The following ADIPOQ variants were observed in gnomAD, a reference collection of about 807,000 sequenced individuals.
ADIPOQ encodes adiponectin.
A neutral mutation model predicts 16.1 loss-of-function variants in ADIPOQ; 19 were observed. The observed-to-expected ratio is 1.18, with a 90% CI of 0.82 to 1.73. ADIPOQ has a LOEUF of 1.73. Ranked by LOEUF, ADIPOQ falls within the 40% of genes most tolerant of loss-of-function variation. The pLI is 0.00. For synonymous variants in ADIPOQ, 124 were observed against 125.5 expected (o/e 0.99, Z 0.08); for missense variants, 323 against 308.3 (o/e 1.05, Z -0.36).
intron 1 of ADIPOQ, chr3:186,852,613 G>A (rs1041087344): frequency 4.3e-5 from 8 of 187,556 alleles, no homozygotes; most frequent in Non-Finnish European, 6.7e-5. Flanking sequence ...GAGAGAGAAG[G>A]GGGGAAAGAA....
At chr3:186,848,263 AAGGAAG>A (rs1711636606) in intron 1 of ADIPOQ, among the ~76,000 whole-genome samples, 1 of 126,598 alleles carries the variant, frequency 7.9e-6, no homozygotes, top group Non-Finnish European at 1.7e-5. Flanking sequence ...GGAAGGAAGG[AAGGAAG>A]GAAAGAAGGA....
intron 1 of ADIPOQ, among the ~76,000 whole-genome samples, chr3:186,850,626 A>C (rs892864229): frequency 6.6e-6 from 1 of 152,162 alleles, no homozygotes; most frequent in Admixed American, 6.5e-5. Flanking sequence ...ATAAAATAAT[A>C]TTTTAAAATG....
In ADIPOQ at chr3:186,850,271, C is replaced by CAAAAAAAAAAAAA. The variant is rs71634014; in HGVS notation, c.-8-2772_-8-2760dup. On this transcript the variant is annotated intron_variant, in intron 1 of 2. Transcript: ENST00000320741. ...GGTGACAGTGTGAAATCCTCTCTCT[C>CAAAAAAAAAAAAA]AAAAAAAAAAAAAAAAAAAAGCAAA... Among the ~76,000 whole-genome samples, 3 of 88,742 alleles carry CAAAAAAAAAAAAA rather than the reference C, an allele frequency of 3.4e-5. 1 individual carries two copies. Among genetic ancestry groups the CAAAAAAAAAAAAA allele is most frequent in the Admixed American group, 1.3e-4 (1 of 7,714 alleles). The allele number at this position is 88,742 out of a possible 152,430, so 58.2% of individuals were successfully genotyped here. A position where few individuals can be genotyped will look rare whatever the true frequency, so the allele number is the denominator to read the frequency against.
In ADIPOQ at chr3:186,853,206, A is replaced by G. The variant is rs779903568; in HGVS notation, c.148A>G (p.Asn50Asp). 1 of 1,614,004 alleles carries G rather than the reference A, an allele frequency of 6.2e-7. No homozygotes were observed. The highest frequency in any genetic ancestry group is 8.5e-7 in the Non-Finnish European group (1 of 1,179,954). Residue 50 changes from asparagine to aspartate, a missense_variant, in exon 2 of 3, where the codon AAT (asparagine) becomes GAT (aspartate). By Grantham distance (23) the Asn-to-Asp change is conservative (BLOSUM62 1). Coordinates refer to ENST00000320741, the MANE Select transcript of ADIPOQ (RefSeq NM_004797.4). ...MAGIPGHPGH[N>D]GAPGRDGRDG... ...GGGCATCCCAGGGCATCCGGGCCAT[A>G]ATGGGGCCCCAGGCCGTGATGGCAG...
intron 1 of ADIPOQ, among the ~76,000 whole-genome samples, chr3:186,848,656 T>A (rs1711651435): frequency 6.6e-6 from 1 of 152,190 alleles, no homozygotes; most frequent in Admixed American, 6.5e-5. Context: ...TTTTACCTAA[T>A]CTTCCCAAAG....
Position 186,854,228 on chromosome 3 carries a change from G to T in ADIPOQ, c.259G>T (p.Gly87Trp). The T allele has an allele frequency of 6.2e-7, 1 of 1,613,558 alleles. No individual in the cohort carries two copies. Reference sequence around the variant, plus strand: ...AGACATCGGTGAAACCGGAGTACCCGGGGCTGAAGGTCCCCGAGGCTTTCC... The same window carrying T: ...AGACATCGGTGAAACCGGAGTACCCTGGGCTGAAGGTCCCCGAGGCTTTCC... ...KGDIGETGVP[G>W]AEGPRGFPGI... Residue 87 changes from glycine (G) to tryptophan (W), a missense_variant, in exon 3 of 3, where the codon GGG (glycine) becomes TGG (tryptophan). Coordinates refer to ENST00000320741, the MANE Select transcript of ADIPOQ (RefSeq NM_004797.4).
intron 1 of ADIPOQ, among the ~76,000 whole-genome samples, chr3:186,848,969 G>A (rs771002890): frequency 3.9e-5 from 6 of 152,100 alleles, no homozygotes; most frequent in African/African-American, 1.4e-4. Flanking sequence ...CCTCTACCCC[G>A]TGCCACTGTC....
intron 1 of ADIPOQ, among the ~76,000 whole-genome samples, chr3:186,848,106 G>A (rs547908716): frequency 1.5e-4 from 23 of 151,866 alleles, no homozygotes; most frequent in African/African-American, 5.6e-4. Context: ...CCAGGAGGCG[G>A]AGGTTGCAGT....
chr3:186,845,107 TGG>T (rs35378606), intron 1 of ADIPOQ, among the ~76,000 whole-genome samples: 1 of 149,792 alleles, frequency 6.7e-6, no homozygotes, highest in Admixed American at 6.7e-5. Flanking sequence ...TGTGTATGTG[TGG>T]GGGGGGGTGG....
chr3:186,852,943 T>C, intron 1 of ADIPOQ, 108 bp from the exon 2 acceptor site: 1 of 1,142,772 alleles, frequency 8.8e-7, no homozygotes, highest in East Asian at 2.4e-5. Context: ...AGAAAGCAGC[T>C]CCTAGAAGTA....
At chr3:186,852,122 G>A (rs965981369) in intron 1 of ADIPOQ, 2 of 152,346 alleles carry the variant, frequency 1.3e-5, no homozygotes, top group Non-Finnish European at 2.9e-5. Flanking sequence ...AGAACAGCAA[G>A]GGATAAGTCT....
At chr3:186,842,802 T>A (rs1020561183) in intron 1 of ADIPOQ, 53 bp downstream of exon 1, 1 of 152,554 alleles carries the variant, frequency 6.6e-6, no homozygotes, top group Non-Finnish European at 1.5e-5. Flanking sequence ...ATGCATAGCC[T>A]CTGGCTGGGA....
rs1381745203 is a variant in ADIPOQ, at chr3:186,857,779, G to A, written c.*3075G>A. 1.3e-5 allele frequency: 2 copies of A among 152,062 alleles called. No homozygotes were observed. The highest frequency in any genetic ancestry group is 2.9e-5 in the Non-Finnish European group (2 of 68,014). The allele number at this position is 152,062 out of a possible 1,614,324, so 9.4% of individuals were successfully genotyped here. ...TAGATATATACATGTTTAGTATTAT[G>A]TCTTATTGGTGCATTTACTCTCTTA... On this transcript the variant is annotated 3_prime_UTR_variant, in exon 3 of 3. Coordinates refer to ENST00000320741, the MANE Select transcript of ADIPOQ (RefSeq NM_004797.4).
chr3:186,854,133 C>T, intron 2 of ADIPOQ, 51 bp from the exon 3 acceptor site: 3 of 1,588,148 alleles, frequency 1.9e-6, no homozygotes, highest in Non-Finnish European at 2.6e-6. Context: ...TGTAACCAAC[C>T]TAGGCAGGAG....
At chr3:186,850,036 A>ATG (rs1711694779) in intron 1 of ADIPOQ, among the ~76,000 whole-genome samples, 3 of 152,190 alleles carry the variant, frequency 2.0e-5, no homozygotes, top group Non-Finnish European at 2.9e-5. Context: ...TGGGAGCCCA[A>ATG]GGCGGGCGGA....
chr3:186,852,996 GGT>G (rs1711834619), intron 1 of ADIPOQ, 53 bp from the exon 2 acceptor site: 28 of 1,571,888 alleles, frequency 1.8e-5, no homozygotes, highest in South Asian at 2.2e-5. Flanking sequence ...GTCCCAACTG[GGT>G]GTGTGTGTGG....
Position 186,854,984 on chromosome 3 carries a change from CA to C in ADIPOQ, c.*282del, listed in dbSNP as rs1711942436. The C allele has an allele frequency of 2.1e-6, 1 of 476,932 alleles. No individual in the cohort carries two copies. 29.5% of individuals were successfully genotyped at this position (476,932 alleles called of 1,614,324 possible). On this transcript the variant is annotated 3_prime_UTR_variant, in exon 3 of 3. Coordinates refer to ENST00000320741, the MANE Select transcript of ADIPOQ (RefSeq NM_004797.4). ...CCACTGTCTCTCCTGATGCTCATAT[CA>C]ATCCTATAAGGCACAGGGAACAAGC...
At position 186,858,022 on chromosome 3, in the gene ADIPOQ, C is replaced by T. The variant is rs1260111192; in HGVS notation, c.*3318C>T. 2.6e-5 allele frequency: 4 copies of T among 151,386 alleles called. No individual in the cohort carries two copies. The highest frequency in any genetic ancestry group is 2.6e-4 in the Admixed American group (4 of 15,160). 9.4% of individuals were successfully genotyped at this position (151,386 alleles called of 1,614,324 possible). A position where few individuals can be genotyped will look rare whatever the true frequency, so the allele number is the denominator to read the frequency against. ...TTTGACAGACTCTCGTTCTGTGGCC[C>T]TGGCTGGAGTTCAGTGGTGTGATCT... On this transcript the variant is annotated 3_prime_UTR_variant, in exon 3 of 3. Transcript: ENST00000320741.
chr3:186,849,758 C>T (rs1199337553), intron 1 of ADIPOQ, among the ~76,000 whole-genome samples: 1 of 152,062 alleles, frequency 6.6e-6, no homozygotes, highest in Admixed American at 6.6e-5. Context: ...TGCATCAGAT[C>T]TATAGTGAGA....
Sources: allele counts gnomAD v4.1 joint callset (sites outside exome capture counted in the v4.1 genomes callset), GRCh38; gene constraint gnomAD v4.1.1; transcripts MANE v1.5; gene names NCBI Gene and HGNC (gene_info 2026-07-23, HGNC 2026-07-21).